CNTNAP2: variants seen among roughly 807,000 people sequenced by gnomAD.
The protein encoded by CNTNAP2 is contactin-associated protein-like 2.
A neutral mutation model predicts 155.2 loss-of-function variants in CNTNAP2; 98 were observed. That is an observed-to-expected ratio of 0.63 (90% CI 0.54 to 0.75). The LOEUF (loss-of-function observed/expected upper bound fraction) is 0.75, where lower values mean the gene tolerates loss of function less well. Among genes scored for constraint, CNTNAP2 ranks in the 30% least tolerant of loss-of-function variants. The pLI is 0.00. For missense variants in CNTNAP2, 1,727 were observed against 1,688.1 expected, an observed-to-expected ratio of 1.02 and a Z score of -0.40; for synonymous variants, 651 against 631.2, an observed-to-expected ratio of 1.03 and a Z score of -0.47.
intron 21 of CNTNAP2, among the ~76,000 whole-genome samples, chr7:148,344,303 A>G (rs1798283705): frequency 6.6e-6 from 1 of 152,114 alleles, no homozygotes; most frequent in Non-Finnish European, 1.5e-5. Flanking sequence ...ATTGCCTGAA[A>G]TTATCTTTGG....
chr7:147,854,791 G>T (rs12530803), intron 13 of CNTNAP2, among the ~76,000 whole-genome samples: 6,734 of 152,144 alleles, frequency 0.044, 270 homozygotes, highest in Admixed American at 0.12. Flanking sequence ...ACAATTTCAG[G>T]TATGTGCATC....
chr7:146,168,384 G>A (rs1179781697), intron 1 of CNTNAP2, among the ~76,000 whole-genome samples: 1 of 151,996 alleles, frequency 6.6e-6, no homozygotes, highest in Admixed American at 6.6e-5. Context: ...TATATATGAA[G>A]GAAAATTTTA....
At chr7:148,022,468 CA>C (rs745936599) in intron 15 of CNTNAP2, among the ~76,000 whole-genome samples, 48 of 91,116 alleles carry the variant, frequency 5.3e-4, no homozygotes, top group South Asian at 3.0e-3. Context: ...GACTCCGTCT[CA>C]AAAAAAAAAA....
At chr7:147,315,339 G>A (rs1390761580) in intron 9 of CNTNAP2, among the ~76,000 whole-genome samples, 2 of 150,336 alleles carry the variant, frequency 1.3e-5, no homozygotes, top group African/African-American at 2.4e-5. Flanking sequence ...TCTAATTTTC[G>A]GCCATTTTCA....
chr7:147,474,074 C>G (rs1191489096), intron 10 of CNTNAP2, among the ~76,000 whole-genome samples: 1 of 150,460 alleles, frequency 6.6e-6, no homozygotes, highest in Non-Finnish European at 1.5e-5. Context: ...TACGAAACTC[C>G]GTCTCTAAAA....
intron 3 of CNTNAP2, among the ~76,000 whole-genome samples, chr7:146,984,647 A>G (rs984774462): frequency 4.6e-5 from 7 of 152,112 alleles, no homozygotes; most frequent in African/African-American, 1.7e-4. Flanking sequence ...CACGGCAAGG[A>G]TTTCGCCCTT....
intron 2 of CNTNAP2, among the ~76,000 whole-genome samples, chr7:146,805,038 C>T (rs868567898): frequency 5.9e-5 from 9 of 152,168 alleles, no homozygotes; most frequent in Non-Finnish European, 8.8e-5. Flanking sequence ...GCACAGGAGG[C>T]GAACAAGAGG....
intron 5 of CNTNAP2, among the ~76,000 whole-genome samples, chr7:147,111,232 T>C (rs190815499): frequency 6.6e-6 from 1 of 152,164 alleles, no homozygotes; most frequent in Non-Finnish European, 1.5e-5. Context: ...GTTTTTGTCT[T>C]GTAAATTTAA....
At chr7:148,319,529 G>A (rs1184005487) in intron 21 of CNTNAP2, among the ~76,000 whole-genome samples, 1 of 152,088 alleles carries the variant, frequency 6.6e-6, no homozygotes, top group African/African-American at 2.4e-5. Context: ...TAGGAACCAG[G>A]CCACACAGCA....
At chr7:147,342,961 G>A (rs993921075) in intron 9 of CNTNAP2, among the ~76,000 whole-genome samples, 4 of 151,604 alleles carry the variant, frequency 2.6e-5, no homozygotes, top group Non-Finnish European at 5.9e-5. Flanking sequence ...TTTTTTCACG[G>A]GTCATAAAAT....
At chr7:147,206,213 C>T (rs1382700406) in intron 8 of CNTNAP2, among the ~76,000 whole-genome samples, 1 of 149,824 alleles carries the variant, frequency 6.7e-6, no homozygotes, top group Non-Finnish European at 1.5e-5. Flanking sequence ...AGAAACAACA[C>T]ATAAAGCAAC....
At chr7:147,745,707 A>T (rs549049993) in intron 13 of CNTNAP2, among the ~76,000 whole-genome samples, 25 of 152,306 alleles carry the variant, frequency 1.6e-4, no homozygotes, top group Admixed American at 4.6e-4. Context: ...TTAAAACAAA[A>T]TGCTCTTTCT....
chr7:146,761,616 G>A (rs1352908497), intron 1 of CNTNAP2, among the ~76,000 whole-genome samples: 1 of 151,380 alleles, frequency 6.6e-6, no homozygotes, highest in African/African-American at 2.5e-5. Flanking sequence ...TGCCTGGAGT[G>A]CTCTTCTCTG....
At chr7:147,957,708 A>G (rs1801042311) in intron 14 of CNTNAP2, among the ~76,000 whole-genome samples, 2 of 152,214 alleles carry the variant, frequency 1.3e-5, no homozygotes, top group Non-Finnish European at 2.9e-5. Flanking sequence ...AAAGTCTAAA[A>G]TGCCATGAAC....
chr7:146,298,866 C>T (rs1217410053), intron 1 of CNTNAP2, among the ~76,000 whole-genome samples: 2 of 152,184 alleles, frequency 1.3e-5, no homozygotes, highest in Admixed American at 6.6e-5. Context: ...TTGACAGTCA[C>T]TGTGACTTGA....
chr7:147,475,810 A>G (rs1214050862), intron 10 of CNTNAP2, among the ~76,000 whole-genome samples: 1 of 152,208 alleles, frequency 6.6e-6, no homozygotes, highest in Non-Finnish European at 1.5e-5. Context: ...CAAAGGAAGA[A>G]GGAGGTCTCA....
intron 1 of CNTNAP2, among the ~76,000 whole-genome samples, chr7:146,217,391 G>A (rs1170312315): frequency 6.6e-6 from 1 of 152,032 alleles, no homozygotes; most frequent in Non-Finnish European, 1.5e-5. Flanking sequence ...TTTCAGGATC[G>A]GGGTACACAT....
intron 11 of CNTNAP2, among the ~76,000 whole-genome samples, chr7:147,513,074 A>G (rs549187155): frequency 2.3e-4 from 35 of 152,322 alleles, no homozygotes; most frequent in African/African-American, 7.5e-4. Context: ...TTTCCAAGTA[A>G]TAAGAGTAGG....
intron 8 of CNTNAP2, among the ~76,000 whole-genome samples, chr7:147,213,846 T>A (rs1803207505): frequency 6.6e-6 from 1 of 152,078 alleles, no homozygotes; most frequent in Non-Finnish European, 1.5e-5. Flanking sequence ...GCCACTGGTG[T>A]AAATCCTGGA....
Sources: gnomAD v4.1 joint callset for allele counts (sites outside exome capture counted in the v4.1 genomes callset) on GRCh38, gnomAD v4.1.1 for gene constraint, MANE v1.5 for transcripts, NCBI Gene and HGNC (gene_info 2026-07-23, HGNC 2026-07-21) for gene names.